The following CPNE4 variants were observed in gnomAD, a reference collection of about 807,000 sequenced individuals.
The protein encoded by CPNE4 is copine-4.
In CPNE4, 25 loss-of-function variants were observed where a neutral mutation model predicts 67.9. The observed-to-expected ratio is 0.37, with a 90% CI of 0.27 to 0.51. The LOEUF (loss-of-function observed/expected upper bound fraction) is 0.51, where lower values mean the gene tolerates loss of function less well. Ranked by LOEUF, CPNE4 falls within the 20% of genes least tolerant of loss-of-function variation. The pLI, the probability that CPNE4 is intolerant of heterozygous loss-of-function variation, is 0.93. For synonymous variants in CPNE4, 242 were observed against 244.9 expected (o/e 0.99, Z 0.11); for missense variants, 464 against 690.8 (o/e 0.67, Z 3.68).
At position 131,764,078 on chromosome 3, in the gene CPNE4, G is replaced by A. The variant is rs376761467; in HGVS notation, c.181-40453C>T. Among the ~76,000 whole-genome samples the A allele has an allele frequency of 2.6e-5, 4 of 152,116 alleles. No individual in the cohort carries two copies. The East Asian group carries it at 7.7e-4, about 29-fold the overall frequency. Reference sequence around the variant, plus strand: ...ACAAGGATTTAATAACTTGCCCAAAGTCCCATGGCTGCTAAATGTCTGACC... The same window carrying A: ...ACAAGGATTTAATAACTTGCCCAAAATCCCATGGCTGCTAAATGTCTGACC... On this transcript the variant is annotated intron_variant, in intron 2 of 15. Coordinates refer to ENST00000429747, the MANE Select transcript of CPNE4 (RefSeq NM_130808.3).
At chr3:131,814,246 T>C (rs2084643727) in intron 2 of CPNE4, among the ~76,000 whole-genome samples, 1 of 152,070 alleles carries the variant, frequency 6.6e-6, no homozygotes, top group Admixed American at 6.5e-5. Flanking sequence ...ACATGGACAG[T>C]AGAGCTTGGC....
intron 15 of CPNE4, among the ~76,000 whole-genome samples, chr3:131,539,169 A>G (rs938701241): frequency 6.6e-6 from 1 of 152,172 alleles, no homozygotes; most frequent in Non-Finnish European, 1.5e-5. Context: ...TCAAAATCTG[A>G]TTTGAAATCC....
At chr3:131,920,766 G>T (rs1258685815) in intron 1 of CPNE4, among the ~76,000 whole-genome samples, 2 of 152,018 alleles carry the variant, frequency 1.3e-5, no homozygotes, top group Admixed American at 1.3e-4. Context: ...CAAATGTTCT[G>T]AAACAAATGT....
At chr3:131,999,241 TAAAA>T (rs79127364) in intron 1 of CPNE4, among the ~76,000 whole-genome samples, 1,028 of 98,802 alleles carry the variant, frequency 0.01, 21 homozygotes, top group African/African-American at 0.032. Context: ...TTATCCAAGG[TAAAA>T]AAAAAAAAAA....
rs188534682 is a variant in CPNE4 at position 131,620,700 on chromosome 3, A to C, written c.682-33118T>G. On this transcript the variant is annotated intron_variant, in intron 7 of 15. Transcript: ENST00000429747. ...GAGGGCAGGTGAGTAAGAATCAAAG[A>C]AAGAGATGCAATAATGGAAGCAGAG... 1.5e-3 allele frequency among the ~76,000 whole-genome samples: 236 copies of C among 152,324 alleles called. 2 individuals carry two copies. Among genetic ancestry groups the C allele is most frequent in the African/African-American group, 4.5e-3 (189 of 41,576 alleles).
At chr3:131,890,419 T>C (rs2088065968) in intron 2 of CPNE4, among the ~76,000 whole-genome samples, 1 of 151,594 alleles carries the variant, frequency 6.6e-6, no homozygotes, top group Non-Finnish European at 1.5e-5. Context: ...ATAGGCATTA[T>C]TATTTTTTTT....
intron 12 of CPNE4, 95 bp downstream of exon 12, chr3:131,555,402 G>C: frequency 9.6e-7 from 1 of 1,043,294 alleles, no homozygotes; most frequent in Non-Finnish European, 1.5e-6. Flanking sequence ...GACACAGTTA[G>C]GTCAGAGTCA....
chr3:131,815,234 T>C (rs2084690782), intron 2 of CPNE4, among the ~76,000 whole-genome samples: 1 of 152,134 alleles, frequency 6.6e-6, no homozygotes, highest in Non-Finnish European at 1.5e-5. Context: ...GGAATTAGGT[T>C]CTGAGATCAA....
At chr3:131,663,876 GCTT>G (rs1040551198) in intron 7 of CPNE4, among the ~76,000 whole-genome samples, 6 of 152,142 alleles carry the variant, frequency 3.9e-5, no homozygotes, top group African/African-American at 1.2e-4. Flanking sequence ...TTGGGGACCT[GCTT>G]CTTCTTCTCT....
intron 10 of CPNE4, among the ~76,000 whole-genome samples, chr3:131,570,307 T>TTTTA (rs3033368): frequency 0.012 from 1,864 of 149,904 alleles, 20 homozygotes; most frequent in Non-Finnish European, 0.017. Flanking sequence ...CATTTTCTCT[T>TTTTA]TTTATTTATT....
At chr3:131,667,867 A>G (rs1045024716) in intron 7 of CPNE4, among the ~76,000 whole-genome samples, 10 of 152,148 alleles carry the variant, frequency 6.6e-5, no homozygotes, top group Non-Finnish European at 2.9e-5. Flanking sequence ...AAGTAGATAT[A>G]TGGCTAAAGG....
rs527938042 is a variant in CPNE4, at chr3:131,952,623, G to T, written c.-1-47179C>A. Among the ~76,000 whole-genome samples the T allele has an allele frequency of 1.1e-4, 15 of 133,694 alleles. No individual in the cohort carries two copies. In the South Asian group the frequency reaches 3.6e-3, roughly 32 times the overall value. The allele number at this position is 133,694 out of a possible 152,430, so 87.7% of individuals were successfully genotyped here. ...CGCCCCGTCCGGAGGGAGGTGGGGG[G>T]GTCAGCCCCCCTCCCGGCCAGCCGC... On this transcript the variant is annotated intron_variant, in intron 1 of 15. Transcript: ENST00000429747.
intron 2 of CPNE4, among the ~76,000 whole-genome samples, chr3:131,817,921 C>A (rs1280888239): frequency 2.0e-5 from 3 of 152,220 alleles, no homozygotes; most frequent in African/African-American, 4.8e-5. Context: ...AGGTTGCCAA[C>A]TCTTGTTTTG....
intron 6 of CPNE4, among the ~76,000 whole-genome samples, chr3:131,674,492 T>C (rs943678331): frequency 6.6e-6 from 1 of 152,068 alleles, no homozygotes; most frequent in African/African-American, 2.4e-5. Flanking sequence ...ATGACTTTGA[T>C]CTTGTTATTT....
intron 2 of CPNE4, among the ~76,000 whole-genome samples, chr3:131,791,051 C>A (rs1009649148): frequency 6.6e-6 from 1 of 152,134 alleles, no homozygotes; most frequent in African/African-American, 2.4e-5. Context: ...TTATAGTCTA[C>A]ATTTTGATGA....
At chr3:131,559,821 A>C (rs797011936) in intron 11 of CPNE4, among the ~76,000 whole-genome samples, 25 of 152,142 alleles carry the variant, frequency 1.6e-4, no homozygotes, top group African/African-American at 6.0e-4. Flanking sequence ...GATATCAAAT[A>C]GTTACGGCAT....
At chr3:131,653,239 G>A (rs1335435474) in intron 7 of CPNE4, among the ~76,000 whole-genome samples, 1 of 141,814 alleles carries the variant, frequency 7.1e-6, no homozygotes, top group Non-Finnish European at 1.5e-5. Context: ...TCCGCCTCCC[G>A]GTTCACTCTG....
chr3:131,848,940 ATGACAGTAG>A (rs2086112464), intron 2 of CPNE4, among the ~76,000 whole-genome samples: 1 of 130,300 alleles, frequency 7.7e-6, no homozygotes, highest in Admixed American at 8.7e-5. Flanking sequence ...CACTGGTGGA[ATGACAGTAG>A]TGATTACAAA....
intron 7 of CPNE4, among the ~76,000 whole-genome samples, chr3:131,646,987 G>A (rs1057151175): frequency 4.6e-5 from 7 of 152,160 alleles, no homozygotes; most frequent in African/African-American, 1.7e-4. Context: ...CTAGTCTTGG[G>A]GAGCAGAGCA....
Sources: allele counts gnomAD v4.1 joint callset (sites outside exome capture counted in the v4.1 genomes callset), GRCh38; gene constraint gnomAD v4.1.1; transcripts MANE v1.5; gene names NCBI Gene and HGNC (gene_info 2026-07-23, HGNC 2026-07-21).